The following CHD1L variants were observed in gnomAD, a reference collection of about 807,000 sequenced individuals.
CHD1L encodes the protein chromodomain helicase DNA binding protein 1 like.
Under a neutral mutation model 115.9 loss-of-function variants are expected in CHD1L, and 118 were observed. The observed-to-expected ratio is 1.02, with a 90% CI of 0.88 to 1.19. The LOEUF (loss-of-function observed/expected upper bound fraction) is 1.19. CHD1L is among the 50% of genes most tolerant of loss of function. The pLI, the probability that CHD1L is intolerant of heterozygous loss-of-function variation, is 0.00. For synonymous variants in CHD1L, 411 were observed against 387.1 expected (o/e 1.06, Z -0.72); for missense variants, 1,179 against 1,065.3 (o/e 1.11, Z -1.49).
chr1:147,203,365 AGTACAGTG>A, the CHD1L span: 9 of 1,225,798 alleles, frequency 7.3e-6, no homozygotes, highest in Non-Finnish European at 1.1e-5. Context: ...ACCCACTCTA[AGTACAGTG>A]ACTGCAGCAT....
At chr1:147,293,793 A>C in intron 21 of CHD1L, 71 bp downstream of exon 21, 1 of 1,289,256 alleles carries the variant, frequency 7.8e-7, no homozygotes, top group East Asian at 2.3e-5. Flanking sequence ...TTTTGAAGGG[A>C]GGTAAGAAAT....
chr1:147,251,348 AT>A (rs2102343337), intron 1 of CHD1L, among the ~76,000 whole-genome samples: 1 of 152,214 alleles, frequency 6.6e-6, no homozygotes, highest in South Asian at 2.1e-4. Context: ...TCAGAGTTTT[AT>A]GCTTGTTTTC....
chr1:147,271,254 G>A (rs1324865774), intron 11 of CHD1L: 1 of 365,812 alleles, frequency 2.7e-6, no homozygotes, highest in Non-Finnish European at 5.0e-6. Context: ...AAAATTATGG[G>A]CCGTGGAGCA....
intron 20 of CHD1L, among the ~76,000 whole-genome samples, chr1:147,292,584 T>G (rs1572226557): frequency 6.6e-6 from 1 of 152,210 alleles, no homozygotes; most frequent in East Asian, 1.9e-4. Flanking sequence ...AAAAGAGATT[T>G]ATTTGCTCAT....
intron 19 of CHD1L, among the ~76,000 whole-genome samples, chr1:147,290,901 C>T (rs1424168234): frequency 3.3e-5 from 5 of 152,176 alleles, no homozygotes; most frequent in African/African-American, 1.2e-4. Flanking sequence ...AATCCTCCCA[C>T]CTCAGCCTCC....
At chr1:147,287,554 C>T in intron 18 of CHD1L, 81 bp from the exon 19 acceptor site, 8 of 907,080 alleles carry the variant, frequency 8.8e-6, no homozygotes, top group East Asian at 2.5e-5. Context: ...TCCACAAGTC[C>T]CTTTTGTGTG....
At chr1:147,222,410 T>C in the CHD1L span, among the ~76,000 whole-genome samples, 2 of 151,866 alleles carry the variant, frequency 1.3e-5, no homozygotes, top group African/African-American at 2.4e-5. Flanking sequence ...GTTGGGGAAA[T>C]TGGAACTGAT....
At chr1:147,215,051 T>G in the CHD1L span, 2 of 152,188 alleles carry the variant, frequency 1.3e-5, no homozygotes. Flanking sequence ...CTGTCAGAAA[T>G]ATCTGACCAT....
chr1:147,232,163 A>G, the CHD1L span, among the ~76,000 whole-genome samples: 1 of 152,188 alleles, frequency 6.6e-6, no homozygotes, highest in Non-Finnish European at 1.5e-5. Flanking sequence ...GGTGGCTGAC[A>G]AGCATTGGAC....
chr1:147,234,087 T>G, the CHD1L span, among the ~76,000 whole-genome samples: 3 of 151,864 alleles, frequency 2.0e-5, no homozygotes, highest in South Asian at 2.1e-4. Context: ...CCAAGAATGA[T>G]CAATAAAAAA....
intron 1 of CHD1L, among the ~76,000 whole-genome samples, chr1:147,244,054 T>G (rs1665805917): frequency 6.6e-6 from 1 of 152,242 alleles, no homozygotes; most frequent in African/African-American, 2.4e-5. Flanking sequence ...AGTATGAGCT[T>G]GTAGACTGGT....
Position 147,266,088 on chromosome 1 carries a change from G to C in CHD1L, c.895+1G>C, listed in dbSNP as rs782000603. ...AAGGCCATTTTGATGAAAGACCTAG[G>C]TAATCAGAGGGCACTTGTCCATTTA... On this transcript the variant is annotated splice_donor_variant, in intron 8 of 22. Coordinates refer to ENST00000369258, the MANE Select transcript of CHD1L (RefSeq NM_004284.6). LOFTEE classifies it high-confidence loss of function. The C allele has an allele frequency of 1.9e-6, 3 of 1,606,700 alleles. No homozygotes were observed. In the African/African-American group the frequency reaches 4.0e-5, roughly 22 times the overall value.
chr1:147,213,440 C>G, the CHD1L span: 36 of 1,611,510 alleles, frequency 2.2e-5, no homozygotes, highest in Non-Finnish European at 2.8e-5. Context: ...GTGGCAAAAT[C>G]AGGCTGCTTC....
the CHD1L span, among the ~76,000 whole-genome samples, chr1:147,188,822 G>A: frequency 6.6e-6 from 1 of 151,524 alleles, no homozygotes; most frequent in East Asian, 1.9e-4. Flanking sequence ...TTCAGGAGGT[G>A]GTTAGACAAA....
intron 11 of CHD1L, among the ~76,000 whole-genome samples, chr1:147,271,349 T>C (rs1236785394): frequency 6.6e-6 from 1 of 152,234 alleles, no homozygotes; most frequent in East Asian, 1.9e-4. Context: ...ACCTCAACAG[T>C]TGAGCACTTA....
intron 5 of CHD1L, among the ~76,000 whole-genome samples, chr1:147,256,931 A>G (rs1670356885): frequency 6.6e-6 from 1 of 152,168 alleles, no homozygotes. Context: ...CCATTTGGAG[A>G]GTTTGCTGTA....
At chr1:147,187,919 T>C in the CHD1L span, among the ~76,000 whole-genome samples, 1 of 152,228 alleles carries the variant, frequency 6.6e-6, no homozygotes, top group Admixed American at 6.5e-5. Flanking sequence ...TTTTACTTTC[T>C]GTAATGAAAA....
At chr1:147,213,384 C>A in the CHD1L span, 1 of 1,613,766 alleles carries the variant, frequency 6.2e-7, no homozygotes, top group Non-Finnish European at 8.5e-7. Flanking sequence ...AGACATTCAT[C>A]TCCTTTTTCC....
chr1:147,275,433 A>T lies in CHD1L; in HGVS notation c.1350A>T (p.Gln450His), dbSNP rs781963003. ...ACTTTAATCCTCAGAATGACTTGCAAGCAGCTGCCAGGGCTCATCGCATTG... is the reference window on the plus strand; with the variant it reads ...ACTTTAATCCTCAGAATGACTTGCATGCAGCTGCCAGGGCTCATCGCATTG... ...DSDFNPQNDL[Q>H]AAARAHRIGQ... The change falls in exon 13 of 23, where the codon CAA becomes CAT. Residue 450 changes from glutamine to histidine, a missense_variant. Coordinates refer to ENST00000369258, the MANE Select transcript of CHD1L (RefSeq NM_004284.6). 1 of 1,614,124 alleles carries T rather than the reference A, an allele frequency of 6.2e-7. No individual in the cohort carries two copies. Among genetic ancestry groups the T allele is most frequent in the South Asian group, 1.1e-5 (1 of 91,078 alleles).
Sources: gnomAD v4.1 joint callset for allele counts (sites outside exome capture counted in the v4.1 genomes callset) on GRCh38, gnomAD v4.1.1 for gene constraint, MANE v1.5 for transcripts, NCBI Gene and HGNC (gene_info 2026-07-23, HGNC 2026-07-21) for gene names.